Variants in ADGRV1 observed in about 807,000 individuals in gnomAD.
ADGRV1 encodes G-protein coupled receptor 98.
A neutral mutation model predicts 596.2 loss-of-function variants in ADGRV1; 359 were observed. The observed-to-expected ratio is 0.60, with a 90% CI of 0.55 to 0.66. The LOEUF is 0.66. Ranked by LOEUF, ADGRV1 falls within the 30% of genes least tolerant of loss-of-function variation. The probability of loss-of-function intolerance (pLI) is 0.00; values close to 1 mark genes in which losing one functional copy is unlikely to be tolerated. For synonymous variants in ADGRV1, 2,681 were observed against 2,679.2 expected (o/e 1.00, Z -0.02); for missense variants, 7,274 against 7,575.6 (o/e 0.96, Z 1.48).
chr5:90,648,370 A>G (rs1361938012), intron 17 of ADGRV1, among the ~76,000 whole-genome samples: 1 of 152,124 alleles, frequency 6.6e-6, no homozygotes, highest in Non-Finnish European at 1.5e-5. Context: ...GCTTCTCTTG[A>G]TAGTTATTTT....
chr5:90,718,587 ACTT>A (rs545011979), intron 43 of ADGRV1, among the ~76,000 whole-genome samples: 2 of 152,108 alleles, frequency 1.3e-5, no homozygotes, highest in Non-Finnish European at 2.9e-5. Context: ...ATTTTATGTA[ACTT>A]CAGCACATTT....
At chr5:90,782,425 A>C (rs1212715917) in intron 65 of ADGRV1, among the ~76,000 whole-genome samples, 1 of 152,066 alleles carries the variant, frequency 6.6e-6, no homozygotes, top group Admixed American at 6.6e-5. Flanking sequence ...TGTTAGATTC[A>C]TTATCTTTGG....
chr5:91,011,621 C>G (rs957460273), intron 85 of ADGRV1, among the ~76,000 whole-genome samples: 1 of 151,866 alleles, frequency 6.6e-6, no homozygotes, highest in East Asian at 1.9e-4. Flanking sequence ...ATCTATAAAA[C>G]TAGAAAATGG....
rs763081334 is a variant in ADGRV1 at position 90,840,892 on chromosome 5, T to TA, written c.16927dup (p.Ile5643AsnfsTer20). 2 of 1,596,716 alleles carry TA rather than the reference T, an allele frequency of 1.3e-6. No homozygotes were observed. The highest frequency in any genetic ancestry group is 1.7e-6 in the Non-Finnish European group (2 of 1,169,844). On this transcript the variant is annotated frameshift_variant, in exon 78 of 90. Transcript: ENST00000405460. LOFTEE classifies it high-confidence loss of function. ...AGCTACATCAGCCTGTGAATGATGA[T>TA]ATTCTCAACAGAGTGCTCCATACCA...
intron 85 of ADGRV1, among the ~76,000 whole-genome samples, chr5:91,064,785 G>T (rs766830257): frequency 6.6e-6 from 1 of 152,042 alleles, no homozygotes; most frequent in Non-Finnish European, 1.5e-5. Context: ...CCTTTTCTCT[G>T]ATGTTTTCAT....
In ADGRV1 at chr5:90,651,080, A is replaced by G. The variant is rs375672478; in HGVS notation, c.3290-524A>G. The stretch of plus-strand genomic sequence containing the variant: ...CAAACCATGGAGACTACTTTGTTCT[A>G]TGTACAACCAGATCAAACTTTGCTG... On this transcript the variant is annotated intron_variant, in intron 17 of 89. Transcript: ENST00000405460. 3.3e-5 allele frequency among the ~76,000 whole-genome samples: 5 copies of G among 152,338 alleles called. 1 individual carries two copies. The highest frequency in any genetic ancestry group is 4.8e-5 in the African/African-American group (2 of 41,584).
At chr5:91,085,965 T>G (rs528551470) in intron 86 of ADGRV1, among the ~76,000 whole-genome samples, 1 of 152,282 alleles carries the variant, frequency 6.6e-6, no homozygotes, top group South Asian at 2.1e-4. Flanking sequence ...TCATCACTCA[T>G]AACGTTGGAC....
intron 85 of ADGRV1, among the ~76,000 whole-genome samples, chr5:91,027,637 A>G (rs920927687): frequency 1.1e-4 from 17 of 152,156 alleles, no homozygotes; most frequent in Admixed American, 2.6e-4. Flanking sequence ...TGAAGAGTTC[A>G]GTTTTGTTCT....
At chr5:90,859,923 T>TAA (rs575648968) in intron 82 of ADGRV1, among the ~76,000 whole-genome samples, 58 of 117,428 alleles carry the variant, frequency 4.9e-4, no homozygotes, top group Admixed American at 8.7e-4. Context: ...GTACAAAAAG[T>TAA]AAAAAAAAAA....
At chr5:90,948,794 G>A (rs1693646243) in intron 83 of ADGRV1, among the ~76,000 whole-genome samples, 1 of 152,072 alleles carries the variant, frequency 6.6e-6, no homozygotes, top group South Asian at 2.1e-4. Flanking sequence ...AGTTGATTAA[G>A]TATTGTACTA....
intron 29 of ADGRV1, among the ~76,000 whole-genome samples, chr5:90,689,618 A>C (rs896169398): frequency 1.1e-4 from 16 of 151,978 alleles, no homozygotes; most frequent in African/African-American, 3.6e-4. Context: ...ATCTTTCTGA[A>C]AGTGAAGGAA....
chr5:90,605,786 A>AT (rs1762046406), intron 1 of ADGRV1, among the ~76,000 whole-genome samples: 1 of 152,240 alleles, frequency 6.6e-6, no homozygotes, highest in South Asian at 2.1e-4. Context: ...TTACAAGAAA[A>AT]TTAATAAAGA....
chr5:90,644,409 AG>A (rs1767435038), intron 14 of ADGRV1, among the ~76,000 whole-genome samples: 1 of 152,232 alleles, frequency 6.6e-6, no homozygotes, highest in South Asian at 2.1e-4. Context: ...ATATCCTTAC[AG>A]GACTTTATGA....
At chr5:90,644,676 A>G (rs899620808) in intron 14 of ADGRV1, 30 bp from the exon 15 acceptor site, 2 of 1,561,490 alleles carry the variant, frequency 1.3e-6, no homozygotes, top group African/African-American at 1.4e-5. Context: ...GTATGTCTTC[A>G]TATGTATTAT....
chr5:90,629,556 A>T lies in ADGRV1; in HGVS notation c.1839+17A>T. ...CTAGTACAGGTACTTGTATGATTAA[A>T]ATAATCGTAATTTTGGTTAACCTTC... is the stretch of plus-strand genomic sequence containing the variant. On this transcript the variant is annotated intron_variant, in intron 9 of 89. Coordinates refer to ENST00000405460, the MANE Select transcript of ADGRV1 (RefSeq NM_032119.4). 6.5e-7 allele frequency: 1 copy of T among 1,540,482 alleles called. No homozygotes were observed. Among genetic ancestry groups the T allele is most frequent in the Non-Finnish European group, 8.8e-7 (1 of 1,131,168 alleles).
intron 77 of ADGRV1, among the ~76,000 whole-genome samples, chr5:90,835,812 TA>T (rs1481850719): frequency 6.6e-6 from 1 of 152,042 alleles, no homozygotes; most frequent in Non-Finnish European, 1.5e-5. Context: ...AAGGAAAAAC[TA>T]AGAATTTGTT....
At chr5:91,125,502 C>T (rs544667956) in intron 87 of ADGRV1, among the ~76,000 whole-genome samples, 8 of 152,202 alleles carry the variant, frequency 5.3e-5, no homozygotes, top group South Asian at 2.1e-4. Flanking sequence ...AGAATCCAGG[C>T]GACACTAGTC....
At chr5:91,137,461 T>C (rs898548688) in intron 87 of ADGRV1, among the ~76,000 whole-genome samples, 2 of 152,226 alleles carry the variant, frequency 1.3e-5, no homozygotes, top group African/African-American at 4.8e-5. Context: ...GAGTTAGGCT[T>C]CATATGCCTC....
chr5:90,672,532 A>G lies in ADGRV1; in HGVS notation c.4753-14A>G. 6.2e-7 allele frequency: 1 copy of G among 1,606,142 alleles called. No homozygotes were observed. The highest frequency in any genetic ancestry group is 8.5e-7 in the Non-Finnish European group (1 of 1,173,860). On this transcript the variant is annotated splice_polypyrimidine_tract_variant and intron_variant, in intron 21 of 89. Coordinates refer to ENST00000405460, the MANE Select transcript of ADGRV1 (RefSeq NM_032119.4). ...ATTGCTATGCACCTATTAATAATTT[A>G]CATTCAATTTCAGATTGCAGAGGAG...
Sources: gnomAD v4.1 joint callset for allele counts (sites outside exome capture counted in the v4.1 genomes callset) on GRCh38, gnomAD v4.1.1 for gene constraint, MANE v1.5 for transcripts, NCBI Gene and HGNC (gene_info 2026-07-23, HGNC 2026-07-21) for gene names.